EPHA3: variants seen among roughly 807,000 people sequenced by gnomAD.
EPHA3 encodes the protein EPH receptor A3, also known as ephrin type-A receptor 3.
EPHA3 carries 42 observed loss-of-function variants against 107.1 expected under a neutral mutation model. That is an observed-to-expected ratio of 0.39 (90% CI 0.31 to 0.51). EPHA3 has a LOEUF of 0.51. Among genes scored for constraint, EPHA3 ranks in the 20% least tolerant of loss-of-function variants. The pLI, the probability that EPHA3 is intolerant of heterozygous loss-of-function variation, is 0.78. For synonymous variants in EPHA3, 461 were observed against 424.8 expected (o/e 1.09, Z -1.05); for missense variants, 1,183 against 1,211.2 (o/e 0.98, Z 0.35).
chr3:89,197,057 T>A (rs1705852459), intron 2 of EPHA3, among the ~76,000 whole-genome samples: 1 of 152,188 alleles, frequency 6.6e-6, no homozygotes, highest in African/African-American at 2.4e-5. Context: ...ATGATTCAGA[T>A]CATGTCACTC....
At chr3:89,392,277 A>G (rs1285218506) in intron 5 of EPHA3, among the ~76,000 whole-genome samples, 1 of 152,010 alleles carries the variant, frequency 6.6e-6, no homozygotes, top group Non-Finnish European at 1.5e-5. Context: ...TGTCTCTACT[A>G]AAAATACGAA....
intron 3 of EPHA3, among the ~76,000 whole-genome samples, chr3:89,253,770 A>C (rs997856035): frequency 2.0e-5 from 3 of 152,052 alleles, no homozygotes; most frequent in Admixed American, 6.6e-5. Flanking sequence ...AAAAAATCTG[A>C]TTTGAAATTA....
At chr3:89,320,478 C>A (rs1249579899) in intron 3 of EPHA3, among the ~76,000 whole-genome samples, 2 of 152,014 alleles carry the variant, frequency 1.3e-5, no homozygotes, top group Non-Finnish European at 2.9e-5. Flanking sequence ...GAAACATATT[C>A]TCCAATGTAA....
chr3:89,225,034 A>C (rs562741178), intron 3 of EPHA3, among the ~76,000 whole-genome samples: 179 of 152,266 alleles, frequency 1.2e-3, no homozygotes, highest in Non-Finnish European at 2.2e-3. Flanking sequence ...GAAATGGATT[A>C]CTTTAAGGAT....
chr3:89,290,400 G>A lies in EPHA3; in HGVS notation c.815-50516G>A, dbSNP rs559922692. ...ACATGTGGTCTCATCAGAATTGTGT[G>A]GGGAGGAAAACATGCTTTTACACAT... On this transcript the variant is annotated intron_variant, in intron 3 of 16. Coordinates refer to ENST00000336596, the MANE Select transcript of EPHA3 (RefSeq NM_005233.6). 1.6e-4 allele frequency among the ~76,000 whole-genome samples: 24 copies of A among 152,150 alleles called. No individual in the cohort carries two copies. In the South Asian group the frequency reaches 4.2e-3, roughly 26 times the overall value.
intron 2 of EPHA3, among the ~76,000 whole-genome samples, chr3:89,140,063 T>G (rs1162441770): frequency 6.6e-6 from 1 of 151,840 alleles, no homozygotes; most frequent in Non-Finnish European, 1.5e-5. Context: ...CTTTCCATTC[T>G]CGTGAATGTG....
chr3:89,201,695 T>A (rs1467588844), intron 2 of EPHA3, among the ~76,000 whole-genome samples: 2 of 152,242 alleles, frequency 1.3e-5, no homozygotes, highest in Non-Finnish European at 2.9e-5. Flanking sequence ...TACATTTATT[T>A]CCATGTTTAA....
rs185513716 is a variant in EPHA3 at position 89,423,496 on chromosome 3, C to T, written c.2074+4106C>T. Among the ~76,000 whole-genome samples, 6 of 151,404 alleles carry T rather than the reference C, an allele frequency of 4.0e-5. No individual in the cohort carries two copies. In the South Asian group the frequency reaches 6.2e-4, roughly 16 times the overall value. ...ATGTCATCTTAAAAGACAATACATA[C>T]GTTGTACTTACTATACTAGTAATTT... is the stretch of plus-strand genomic sequence containing the variant. On this transcript the variant is annotated intron_variant, in intron 11 of 16. Coordinates refer to ENST00000336596, the MANE Select transcript of EPHA3 (RefSeq NM_005233.6).
chr3:89,437,841 G>A (rs114701192), intron 13 of EPHA3, among the ~76,000 whole-genome samples: 2,414 of 152,058 alleles, frequency 0.016, 28 homozygotes, highest in Non-Finnish European at 0.027. Flanking sequence ...GTTCATTTTG[G>A]GAGCATAATT....
intron 5 of EPHA3, among the ~76,000 whole-genome samples, chr3:89,345,042 C>A (rs1050134692): frequency 2.0e-5 from 3 of 151,186 alleles, no homozygotes; most frequent in African/African-American, 7.3e-5. Context: ...TTTTTGTTTT[C>A]TTTCACAGAA....
chr3:89,390,841 A>G (rs1180398482), intron 5 of EPHA3, among the ~76,000 whole-genome samples: 8 of 146,180 alleles, frequency 5.5e-5, no homozygotes, highest in Non-Finnish European at 1.0e-4. Context: ...CTGGAGTGCA[A>G]TGACATGCAA....
intron 3 of EPHA3, among the ~76,000 whole-genome samples, chr3:89,256,024 G>A (rs1445977327): frequency 1.3e-5 from 2 of 151,558 alleles, no homozygotes; most frequent in Non-Finnish European, 2.9e-5. Flanking sequence ...TCAGGAGTTC[G>A]AGACCAGTCT....
chr3:89,350,022 T>C (rs1282498781), intron 5 of EPHA3, among the ~76,000 whole-genome samples: 127 of 150,558 alleles, frequency 8.4e-4, no homozygotes, highest in African/African-American at 2.8e-3. Context: ...GAGGGTAACC[T>C]GACCTTTCTC....
At chr3:89,318,794 T>C (rs1706972230) in intron 3 of EPHA3, among the ~76,000 whole-genome samples, 1 of 151,938 alleles carries the variant, frequency 6.6e-6, no homozygotes, top group Non-Finnish European at 1.5e-5. Context: ...TGATATTAGT[T>C]ATGAGTTTTC....
chr3:89,204,515 A>G (rs200402781), intron 2 of EPHA3, among the ~76,000 whole-genome samples: 2 of 92,056 alleles, frequency 2.2e-5, no homozygotes, highest in Non-Finnish European at 5.8e-5. Context: ...CACCCCAAAC[A>G]AAAAAACAAT....
chr3:89,401,266 A>G (rs949746433), intron 7 of EPHA3, among the ~76,000 whole-genome samples: 4 of 152,216 alleles, frequency 2.6e-5, no homozygotes, highest in South Asian at 4.1e-4. Flanking sequence ...TGAAATGTTA[A>G]TGTTTTTAGA....
At chr3:89,210,998 G>T (rs1222588341) in intron 3 of EPHA3, among the ~76,000 whole-genome samples, 1 of 151,926 alleles carries the variant, frequency 6.6e-6, no homozygotes, top group Non-Finnish European at 1.5e-5. Context: ...TGACATCTGG[G>T]TATCAAATAC....
At chr3:89,178,656 A>G (rs1306526402) in intron 2 of EPHA3, among the ~76,000 whole-genome samples, 1 of 151,952 alleles carries the variant, frequency 6.6e-6, no homozygotes, top group Non-Finnish European at 1.5e-5. Context: ...TTTCTGTTTT[A>G]TTATTAATTC....
intron 12 of EPHA3, 109 bp from the exon 13 acceptor site, chr3:89,431,041 T>G: frequency 1.8e-6 from 2 of 1,106,292 alleles, no homozygotes; most frequent in South Asian, 3.1e-5. Flanking sequence ...GACTAAAGTG[T>G]GTATAGTCAG....
Sources: gnomAD v4.1 joint callset for allele counts (sites outside exome capture counted in the v4.1 genomes callset) on GRCh38, gnomAD v4.1.1 for gene constraint, MANE v1.5 for transcripts, NCBI Gene and HGNC (gene_info 2026-07-23, HGNC 2026-07-21) for gene names.